CFAP46: variants seen among roughly 807,000 people sequenced by gnomAD.
CFAP46 encodes cilia and flagella associated protein 46.
In CFAP46, 245 loss-of-function variants were observed where a neutral mutation model predicts 325.7. The ratio of observed to expected loss-of-function variants is 0.75; its 90% confidence interval spans 0.68 to 0.84. The LOEUF (loss-of-function observed/expected upper bound fraction) is 0.84, where lower values mean the gene tolerates loss of function less well. Ranked by LOEUF, CFAP46 falls within the 40% of genes least tolerant of loss-of-function variation. CFAP46 has a pLI of 0.00. For missense variants in CFAP46, 3,346 were observed against 3,543.0 expected, an observed-to-expected ratio of 0.94 and a Z score of 1.41; for synonymous variants, 1,523 against 1,495.9, an observed-to-expected ratio of 1.02 and a Z score of -0.42.
intron 44 of CFAP46, among the ~76,000 whole-genome samples, chr10:132,837,976 C>T (rs957736105): frequency 5.9e-5 from 9 of 152,352 alleles, no homozygotes; most frequent in East Asian, 1.9e-4. Flanking sequence ...CACACACTCA[C>T]GCAGACATGC....
intron 8 of CFAP46, among the ~76,000 whole-genome samples, chr10:132,934,473 G>A (rs576059218): frequency 6.7e-4 from 102 of 152,318 alleles, no homozygotes; most frequent in African/African-American, 2.3e-3. Flanking sequence ...GGAACGCCAC[G>A]CAGCCACCAG....
intron 50 of CFAP46, among the ~76,000 whole-genome samples, chr10:132,823,387 CTGA>C (rs1471276652): frequency 8.7e-6 from 1 of 114,392 alleles, no homozygotes; most frequent in East Asian, 3.0e-4. Context: ...TGTGTGTGCA[CTGA>C]TGTGTGCTGT....
At chr10:132,902,638 A>G (rs1356587465) in intron 22 of CFAP46, among the ~76,000 whole-genome samples, 2 of 152,062 alleles carry the variant, frequency 1.3e-5, no homozygotes, top group South Asian at 2.1e-4. Flanking sequence ...TGTTTTTTCT[A>G]TTCTACTCTT....
intron 22 of CFAP46, among the ~76,000 whole-genome samples, chr10:132,904,530 T>A (rs10047380): frequency 0.43 from 65,737 of 152,156 alleles, 14,558 homozygotes; most frequent in East Asian, 0.64. Flanking sequence ...CACCATATGT[T>A]TAAATTTACA....
At chr10:132,887,119 CTCTCTCCTCTCCTCTG>C in intron 25 of CFAP46, among the ~76,000 whole-genome samples, 11 of 139,264 alleles carry the variant, frequency 7.9e-5, no homozygotes, top group Admixed American at 7.8e-4. Flanking sequence ...TTTCACCTCT[CTCTCTCCTCTCCTCTG>C]TCCTCTCTCA....
chr10:132,912,583 TC>T, intron 19 of CFAP46, 71 bp downstream of exon 19: 1 of 1,296,728 alleles, frequency 7.7e-7, no homozygotes, highest in African/African-American at 2.1e-5. Context: ...ACCTCTCCTC[TC>T]CTCTCTCTCT....
chr10:132,929,994 G>A (rs1021032753), intron 8 of CFAP46, among the ~76,000 whole-genome samples, 190 bp from the exon 9 acceptor site: 2 of 152,060 alleles, frequency 1.3e-5, no homozygotes, highest in Admixed American at 6.5e-5. Context: ...CTACAGCACC[G>A]GAGCCCAGCA....
chr10:132,927,669 C>CT (rs984126859), intron 9 of CFAP46, among the ~76,000 whole-genome samples: 1 of 152,262 alleles, frequency 6.6e-6, no homozygotes, highest in Non-Finnish European at 1.5e-5. Context: ...GATCTTAAAA[C>CT]TCTTTATGTG....
chr10:132,909,709 C>T (rs1009284524), intron 20 of CFAP46, among the ~76,000 whole-genome samples: 2 of 152,238 alleles, frequency 1.3e-5, no homozygotes, highest in African/African-American at 4.8e-5. Context: ...AGCTCACAGA[C>T]CCCGTGGACG....
intron 54 of CFAP46, among the ~76,000 whole-genome samples, chr10:132,813,824 G>A (rs569204300): frequency 2.8e-4 from 43 of 152,332 alleles, no homozygotes; most frequent in Admixed American, 2.4e-3. Context: ...CTGGACCACG[G>A]AACCCCAAGG....
intron 8 of CFAP46, among the ~76,000 whole-genome samples, chr10:132,930,533 C>T (rs1281816257): frequency 3.0e-5 from 4 of 133,164 alleles, no homozygotes; most frequent in Non-Finnish European, 6.4e-5. Flanking sequence ...AGAGCCTGGG[C>T]CTTCCCCACA....
chr10:132,821,397 G>A (rs1359951599), intron 50 of CFAP46, among the ~76,000 whole-genome samples: 2 of 136,740 alleles, frequency 1.5e-5, no homozygotes, highest in Non-Finnish European at 3.1e-5. Flanking sequence ...TGTGTGCTGT[G>A]TGTGTGCTGT....
chr10:132,879,504 G>A lies in CFAP46; in HGVS notation c.3927C>T (p.Ala1309=). Residue 1309 remains alanine (A), a synonymous_variant, in exon 29 of 58, where the codon GCC becomes GCT. Coordinates refer to ENST00000368586, the MANE Select transcript of CFAP46 (RefSeq NM_001200049.3). Reference sequence around the variant, plus strand: ...CCTCGGCGCCCGGCGACAGCACCAGGGCCAGCAGGATGTGCACGCGGGCCA... The same window carrying A: ...CCTCGGCGCCCGGCGACAGCACCAGAGCCAGCAGGATGTGCACGCGGGCCA... ...EALARVHILL[A]LVLSPGAEGY... is the part of the protein sequence containing the mutation. The A allele has an allele frequency of 6.5e-7, 1 of 1,547,342 alleles. No individual in the cohort carries two copies. The highest frequency in any genetic ancestry group is 8.7e-7 in the Non-Finnish European group (1 of 1,145,968).
chr10:132,813,934 C>CT (rs1847636507), intron 54 of CFAP46, among the ~76,000 whole-genome samples: 2 of 152,346 alleles, frequency 1.3e-5, no homozygotes, highest in East Asian at 3.9e-4. Context: ...ATCAGTGACC[C>CT]TGGGGGCCCC....
chr10:132,940,328 G>T (rs1850077490), intron 4 of CFAP46, among the ~76,000 whole-genome samples: 1 of 152,076 alleles, frequency 6.6e-6, no homozygotes, highest in Non-Finnish European at 1.5e-5. Flanking sequence ...AAACTGTCAA[G>T]CTTGCACAAA....
In CFAP46 at chr10:132,809,324, G is replaced by A. The variant is rs540827862; in HGVS notation, c.7665-420C>T. On this transcript the variant is annotated intron_variant, in intron 57 of 57. Coordinates refer to ENST00000368586, the MANE Select transcript of CFAP46 (RefSeq NM_001200049.3). ...CAGGTCATCGCTGAGCAGCAGCAGC[G>A]GGACAGCCAGCCTGGCTCTGCCCTT... Among the ~76,000 whole-genome samples the A allele has an allele frequency of 6.6e-5, 10 of 152,322 alleles. 1 individual carries two copies. Among genetic ancestry groups the A allele is most frequent in the African/African-American group, 2.2e-4 (9 of 41,558 alleles).
intron 26 of CFAP46, among the ~76,000 whole-genome samples, 180 bp downstream of exon 26, chr10:132,885,641 G>A (rs1359277787): frequency 1.4e-5 from 2 of 140,148 alleles, no homozygotes; most frequent in Non-Finnish European, 3.1e-5. Context: ...GATGGGGGGA[G>A]CACACTCCGG....
At chr10:132,941,878 G>A in intron 2 of CFAP46, 102 bp downstream of exon 2, 1 of 1,511,696 alleles carries the variant, frequency 6.6e-7, no homozygotes. Context: ...GCCCGGCCAG[G>A]AGCTGCCTCT....
At chr10:132,894,116 C>T (rs185698575) in intron 24 of CFAP46, among the ~76,000 whole-genome samples, 87 of 152,350 alleles carry the variant, frequency 5.7e-4, no homozygotes, top group East Asian at 2.3e-3. Context: ...GTGGATTTGC[C>T]GCTGGTAATG....
Sources: gnomAD v4.1 joint callset for allele counts (sites outside exome capture counted in the v4.1 genomes callset) on GRCh38, gnomAD v4.1.1 for gene constraint, MANE v1.5 for transcripts, NCBI Gene and HGNC (gene_info 2026-07-23, HGNC 2026-07-21) for gene names.